LDLRAD4: variants seen among roughly 807,000 people sequenced by gnomAD.
The protein encoded by LDLRAD4 is low-density lipoprotein receptor class A domain-containing protein 4.
In LDLRAD4, 5 loss-of-function variants were observed where a neutral mutation model predicts 17.0. The observed-to-expected ratio is 0.29, with a 90% CI of 0.15 to 0.62. The LOEUF (loss-of-function observed/expected upper bound fraction) is 0.62. Among genes scored for constraint, LDLRAD4 ranks in the 20% least tolerant of loss-of-function variants. The probability of loss-of-function intolerance (pLI) is 0.84; values close to 1 mark genes in which losing one functional copy is unlikely to be tolerated. For synonymous variants in LDLRAD4, 168 were observed against 171.8 expected (o/e 0.98, Z 0.17); for missense variants, 340 against 424.7 (o/e 0.80, Z 1.75).
At chr18:13,491,191 C>T (rs2093350692) in intron 3 of LDLRAD4, 1 of 152,220 alleles carries the variant, frequency 6.6e-6, no homozygotes, top group South Asian at 2.1e-4. Flanking sequence ...ATTTCTGCCA[C>T]AGGGATTTGT....
At chr18:13,395,254 T>G (rs1231961697) in intron 2 of LDLRAD4, among the ~76,000 whole-genome samples, 2 of 151,362 alleles carry the variant, frequency 1.3e-5, no homozygotes, top group African/African-American at 4.9e-5. Context: ...TCGATAAATG[T>G]TCTTCCCCGT....
intron 1 of LDLRAD4, among the ~76,000 whole-genome samples, chr18:13,385,309 T>C (rs2085715186): frequency 6.6e-6 from 1 of 152,222 alleles, no homozygotes; most frequent in Admixed American, 6.5e-5. Flanking sequence ...TTCAGGTAAT[T>C]GCCCGTTTTA....
intron 3 of LDLRAD4, among the ~76,000 whole-genome samples, chr18:13,576,782 T>A (rs2094779696): frequency 6.6e-6 from 1 of 152,202 alleles, no homozygotes; most frequent in African/African-American, 2.4e-5. Context: ...CAGGGGGATG[T>A]CCGGAGGCTG....
At chr18:13,470,801 C>T (rs961558308) in intron 3 of LDLRAD4, 4 of 152,234 alleles carry the variant, frequency 2.6e-5, no homozygotes, top group African/African-American at 7.3e-5. Context: ...GACCTCACTC[C>T]CCATGCGCTG....
chr18:13,534,622 A>T (rs1301979138), intron 3 of LDLRAD4, among the ~76,000 whole-genome samples: 2 of 151,968 alleles, frequency 1.3e-5, no homozygotes, highest in Admixed American at 6.6e-5. Context: ...TGTGCCCTGT[A>T]CTTTCTTATA....
At chr18:13,509,208 G>A (rs1244451616) in intron 3 of LDLRAD4, among the ~76,000 whole-genome samples, 1 of 152,224 alleles carries the variant, frequency 6.6e-6, no homozygotes, top group Non-Finnish European at 1.5e-5. Flanking sequence ...CAGCTGCTCA[G>A]GAGGCTGAAG....
At chr18:13,551,616 G>A (rs1267334034) in intron 3 of LDLRAD4, among the ~76,000 whole-genome samples, 2 of 152,132 alleles carry the variant, frequency 1.3e-5, no homozygotes, top group Non-Finnish European at 2.9e-5. Flanking sequence ...ATCACAGAGT[G>A]TGCCATGGTG....
chr18:13,248,486 T>C (rs916152554), intron 1 of LDLRAD4, among the ~76,000 whole-genome samples: 4 of 152,252 alleles, frequency 2.6e-5, no homozygotes, highest in African/African-American at 9.6e-5. Flanking sequence ...TAAGATGTGA[T>C]GTAGCAATTG....
intron 2 of LDLRAD4, among the ~76,000 whole-genome samples, chr18:13,397,369 T>A (rs2086790514): frequency 6.6e-6 from 1 of 152,210 alleles, no homozygotes; most frequent in Non-Finnish European, 1.5e-5. Context: ...GGTCTCTATC[T>A]CCTGACCTCG....
At chr18:13,628,157 C>A (rs1224816770) in intron 4 of LDLRAD4, among the ~76,000 whole-genome samples, 1 of 152,200 alleles carries the variant, frequency 6.6e-6, no homozygotes, top group East Asian at 1.9e-4. Context: ...TGCTCTCACT[C>A]CTGCCCACCT....
At chr18:13,394,920 G>A (rs753711610) in intron 2 of LDLRAD4, among the ~76,000 whole-genome samples, 2 of 152,216 alleles carry the variant, frequency 1.3e-5, no homozygotes, top group African/African-American at 2.4e-5. Context: ...GCTTCCATAC[G>A]TGGCCTCTTG....
chr18:13,313,589 C>T (rs928659527), intron 1 of LDLRAD4, among the ~76,000 whole-genome samples: 3 of 152,236 alleles, frequency 2.0e-5, no homozygotes, highest in African/African-American at 4.8e-5. Context: ...CGCCACCGTC[C>T]CCCGCACGGG....
intron 2 of LDLRAD4, among the ~76,000 whole-genome samples, chr18:13,435,393 A>G (rs1183301643): frequency 3.3e-5 from 5 of 152,154 alleles, no homozygotes; most frequent in Non-Finnish European, 4.4e-5. Context: ...CCTTACTCTG[A>G]TATTGGGCTA....
chr18:13,626,328 G>A (rs1051971279), intron 4 of LDLRAD4, among the ~76,000 whole-genome samples: 2 of 152,236 alleles, frequency 1.3e-5, no homozygotes, highest in East Asian at 1.9e-4. Context: ...GACACAGCCC[G>A]GAGAGCTATT....
At chr18:13,490,643 T>C (rs1189858156) in intron 3 of LDLRAD4, 1 of 152,238 alleles carries the variant, frequency 6.6e-6, no homozygotes, top group African/African-American at 2.4e-5. Context: ...TATATGTATA[T>C]ATTTTTTTAC....
chr18:13,517,802 G>A (rs1022655091), intron 3 of LDLRAD4, among the ~76,000 whole-genome samples: 7 of 152,066 alleles, frequency 4.6e-5, no homozygotes, highest in African/African-American at 1.4e-4. Context: ...GCAGTGGTGC[G>A]ATCTCAGCTC....
chr18:13,326,834 T>A (rs1460781961), intron 1 of LDLRAD4, among the ~76,000 whole-genome samples: 1 of 151,982 alleles, frequency 6.6e-6, no homozygotes, highest in Non-Finnish European at 1.5e-5. Flanking sequence ...AATGGCACGA[T>A]CTTGGCTCAC....
intron 4 of LDLRAD4, among the ~76,000 whole-genome samples, chr18:13,627,286 A>C (rs906484330): frequency 2.0e-5 from 3 of 152,192 alleles, no homozygotes; most frequent in African/African-American, 7.2e-5. Flanking sequence ...AAAAATAAAA[A>C]TTGTGAGATT....
intron 1 of LDLRAD4, among the ~76,000 whole-genome samples, chr18:13,356,457 G>C (rs1376343378): frequency 1.3e-5 from 2 of 152,220 alleles, no homozygotes; most frequent in Non-Finnish European, 2.9e-5. Context: ...TCATAAGTCA[G>C]ATTTAGAAGA....
Sources: allele counts gnomAD v4.1 joint callset (sites outside exome capture counted in the v4.1 genomes callset), GRCh38; gene constraint gnomAD v4.1.1; transcripts MANE v1.5; gene names NCBI Gene and HGNC (gene_info 2026-07-23, HGNC 2026-07-21).